The following CUL7 variants were observed in gnomAD, a reference collection of about 807,000 sequenced individuals.
CUL7 encodes the protein cullin 7, also known as cullin-7.
Under a neutral mutation model 177.7 loss-of-function variants are expected in CUL7, and 96 were observed. That is an observed-to-expected ratio of 0.54 (90% CI 0.46 to 0.64). CUL7 has a LOEUF of 0.64. CUL7 is among the 30% of genes least tolerant of loss of function. The probability of loss-of-function intolerance (pLI) is 0.00; values close to 1 mark genes in which losing one functional copy is unlikely to be tolerated. For missense variants in CUL7, 1,893 were observed against 2,187.9 expected (o/e 0.87, Z 2.69); for synonymous variants, 824 against 890.2 (o/e 0.93, Z 1.32).
In CUL7 at chr6:43,049,948, C is replaced by A; in HGVS notation, c.1569+15G>T. ...AGAGCCCTCCAACCTCTGAGTGTCT[C>A]CAGGCTGGCTCTACCTCCCCATCTA... On this transcript the variant is annotated intron_variant, in intron 6 of 25. Coordinates refer to ENST00000265348, the MANE Select transcript of CUL7 (RefSeq NM_014780.5). 1 of 1,611,740 alleles carries A rather than the reference C, an allele frequency of 6.2e-7. No homozygotes were observed. The highest frequency in any genetic ancestry group is 8.5e-7 in the Non-Finnish European group (1 of 1,178,220).
chr6:43,047,471 G>A (rs1185306656), intron 9 of CUL7, among the ~76,000 whole-genome samples: 7 of 152,186 alleles, frequency 4.6e-5, no homozygotes, highest in Admixed American at 2.0e-4. Flanking sequence ...ACACCTGGAT[G>A]GCTGGGAAGG....
chr6:43,040,831 A>T lies in CUL7; in HGVS notation c.3806+84T>A. ...CACTCCAAGGCTCCAGCCTGCCTCTATCCCAGACTTCCAGGCCCATGAGCT... is the reference window on the plus strand; with the variant it reads ...CACTCCAAGGCTCCAGCCTGCCTCTTTCCCAGACTTCCAGGCCCATGAGCT... On this transcript the variant is annotated intron_variant, in intron 20 of 25. Coordinates refer to ENST00000265348, the MANE Select transcript of CUL7 (RefSeq NM_014780.5). This position sits in a 1 kb window ranked among gnomAD's most constrained non-coding sequence, Gnocchi z 4.2. 6.2e-7 allele frequency: 1 copy of T among 1,602,470 alleles called. No individual in the cohort carries two copies. The highest frequency in any genetic ancestry group is 8.5e-7 in the Non-Finnish European group (1 of 1,170,678).
rs1169170911 is a variant in CUL7 at position 43,043,614 on chromosome 6, G to A, written c.3189C>T (p.Ser1063=). The change falls in exon 17 of 26, where the codon AGC becomes AGT. Residue 1063 remains serine (S), a synonymous_variant. Coordinates refer to ENST00000265348, the MANE Select transcript of CUL7 (RefSeq NM_014780.5). This position sits in a 1 kb window ranked among gnomAD's most constrained non-coding sequence, Gnocchi z 4.2. Reference sequence around the variant, plus strand: ...ACTGGTCCAGCAGCCAACCCAGGGGGCTAATGCCATCCTCATCTAGAGGGT... The same window carrying A: ...ACTGGTCCAGCAGCCAACCCAGGGGACTAATGCCATCCTCATCTAGAGGGT... ...NITSPDEDGI[S]PLGWLLDQYL... 6.2e-7 allele frequency: 1 copy of A among 1,608,140 alleles called. No homozygotes were observed. The highest frequency in any genetic ancestry group is 1.1e-5 in the South Asian group (1 of 90,292).
Position 43,048,367 on chromosome 6 carries a change from CG to C in CUL7, c.2027del (p.Pro676ArgfsTer9). The C allele has an allele frequency of 6.2e-7, 1 of 1,613,552 alleles. No homozygotes were observed. The highest frequency in any genetic ancestry group is 8.5e-7 in the Non-Finnish European group (1 of 1,179,466). The stretch of plus-strand genomic sequence containing the variant: ...TCAGGTGCAGGGTCCTGTTAGTCTC[CG>C]GAGTGTCCAGGCTCTGCATCAGTGC... ...FLALMQSLDT[P>X]ETNRTLHLTV... On this transcript the variant is annotated frameshift_variant, in exon 8 of 26. Transcript: ENST00000265348. LOFTEE classifies it high-confidence loss of function.
At chr6:43,039,684 T>C (rs528846090) in intron 22 of CUL7, among the ~76,000 whole-genome samples, 2 of 147,642 alleles carry the variant, frequency 1.4e-5, no homozygotes, top group Admixed American at 1.4e-4. Flanking sequence ...AGACTATCTC[T>C]CCCTGAATCT....
In CUL7 at chr6:43,051,199, C is replaced by T. The variant is rs561592507; in HGVS notation, c.1002G>A (p.Gln334=). The change falls in exon 4 of 26, where the codon CAG becomes CAA. Residue 334 remains glutamine, a synonymous_variant. Coordinates refer to ENST00000265348, the MANE Select transcript of CUL7 (RefSeq NM_014780.5). The surrounding 1 kb of genome is among the most constrained non-coding windows in gnomAD (Gnocchi z 5.0). ...GGAGCCCTGGGCTCACATCTGCCAG[C>T]TGAGGCTGGAAGATGGAACCGGGGG... ...ARSPGSIFQP[Q]LADVSPGLPA... 12 of 1,614,214 alleles carry T rather than the reference C, an allele frequency of 7.4e-6. No individual in the cohort carries two copies. The East Asian group carries it at 2.2e-4, about 30-fold the overall frequency.
rs58059598 is a variant in CUL7 at position 43,050,549 on chromosome 6, TACACACACACACACAC to T, written c.1234-167_1234-152del. Reference sequence around the variant, plus strand: ...TAACAAAACAGCAGCATATGGAGAATACACACACACACACACACACACACACACACACACACACACA... The same window carrying T: ...TAACAAAACAGCAGCATATGGAGAATACACACACACACACACACACACACA... On this transcript the variant is annotated intron_variant, in intron 4 of 25. Transcript: ENST00000265348. The surrounding 1 kb of genome is among the most constrained non-coding windows in gnomAD (Gnocchi z 4.1). 8,219 of 418,926 alleles carry T rather than the reference TACACACACACACACAC, an allele frequency of 0.02. 361 individuals carry two copies. Among genetic ancestry groups the T allele is most frequent in the African/African-American group, 0.13 (5,548 of 42,982 alleles). 26.0% of individuals were successfully genotyped at this position (418,926 alleles called of 1,614,324 possible).
In CUL7 at chr6:43,051,647, G is replaced by T; in HGVS notation, c.697C>A (p.His233Asn). 6.2e-7 allele frequency: 1 copy of T among 1,614,210 alleles called. No individual in the cohort carries two copies. Among genetic ancestry groups the T allele is most frequent in the Non-Finnish European group, 8.5e-7 (1 of 1,180,048 alleles). ...TGAATGCCCTCGAAAGACATGGGGT[G>T]TTCAGAGAGCGTGGCCTGTGCAAAC... ...ALFAQATLSEHPMSFEGIQLP... is the reference protein window; with the variant it reads ...ALFAQATLSENPMSFEGIQLP... Residue 233 changes from histidine (H) to asparagine (N), a missense_variant, in exon 3 of 26, where the codon CAC becomes AAC. Coordinates refer to ENST00000265348, the MANE Select transcript of CUL7 (RefSeq NM_014780.5). The surrounding 1 kb of genome is among the most constrained non-coding windows in gnomAD (Gnocchi z 5.0).
Position 43,047,058 on chromosome 6 carries a change from C to T in CUL7, c.2219G>A (p.Arg740Lys), listed in dbSNP as rs1007288683. 1.2e-6 allele frequency: 2 copies of T among 1,613,644 alleles called. No individual in the cohort carries two copies. Among genetic ancestry groups the T allele is most frequent in the East Asian group, 2.2e-5 (1 of 44,896 alleles). The change falls in exon 10 of 26, where the codon AGG becomes AAG. Residue 740 changes from arginine (R) to lysine (K), a missense_variant. Coordinates refer to ENST00000265348, the MANE Select transcript of CUL7 (RefSeq NM_014780.5). The stretch of plus-strand genomic sequence containing the variant: ...CTGATTCAGCACCACGGCATAGTCC[C>T]TGCTCACTGAGGTCAGGCGGTGCAG... ...FFLHRLTSVS[R>K]DYAVVLNQLG...
chr6:43,038,510 C>G, intron 24 of CUL7, 38 bp from the exon 25 acceptor site: 1 of 1,613,794 alleles, frequency 6.2e-7, no homozygotes, highest in South Asian at 1.1e-5. Flanking sequence ...GTGGAGAGCC[C>G]ACGAGGAGCC....
chr6:43,043,232 C>T lies in CUL7; in HGVS notation c.3356-52G>A, dbSNP rs1052209472. ...GCAAGGAGGGTGCAGCCCCTCCACT[C>T]CCAAGTCCCCATCCAAGGGGGTTCC... On this transcript the variant is annotated intron_variant, in intron 17 of 25. Coordinates refer to ENST00000265348, the MANE Select transcript of CUL7 (RefSeq NM_014780.5). The surrounding 1 kb of genome is among the most constrained non-coding windows in gnomAD (Gnocchi z 4.2). The T allele has an allele frequency of 4.1e-6, 6 of 1,463,810 alleles. No homozygotes were observed. Among genetic ancestry groups the T allele is most frequent in the Middle Eastern group, 1.9e-4 (1 of 5,280 alleles). 90.7% of individuals were successfully genotyped at this position (1,463,810 alleles called of 1,614,324 possible).
chr6:43,038,147 C>T, intron 25 of CUL7, 120 bp downstream of exon 25: 2 of 1,486,840 alleles, frequency 1.3e-6, no homozygotes, highest in Non-Finnish European at 1.8e-6. Context: ...TCACTCCTCA[C>T]ACTCCTACAG....
chr6:43,046,648 A>T, intron 10 of CUL7, 47 bp from the exon 11 acceptor site: 1 of 1,611,056 alleles, frequency 6.2e-7, no homozygotes, highest in African/African-American at 1.3e-5. Context: ...CAGAAGGAAC[A>T]CGGAGACACA....
rs539816368 is a variant in CUL7, at chr6:43,052,596, T to C, written c.193A>G (p.Ile65Val). Reference sequence around the variant, plus strand: ...TCATCCTTGGACATCCACAGCAGGATGTGCTCAGCCTTGCAGTCCACTTGG... The same window carrying C: ...TCATCCTTGGACATCCACAGCAGGACGTGCTCAGCCTTGCAGTCCACTTGG... ...SGQVDCKAEH[I>V]LLWMSKDEIY... The change falls in exon 2 of 26, where the codon ATC becomes GTC. Residue 65 changes from isoleucine to valine, a missense_variant. Physicochemically the swap from Ile to Val is conservative, Grantham distance 29 (BLOSUM62 3). This residue lies in a region of CUL7 where 653 missense variants were observed against 725.2 expected (regional missense o/e 0.90). Transcript: ENST00000265348. The surrounding 1 kb of genome is among the most constrained non-coding windows in gnomAD (Gnocchi z 4.5). 3 of 1,614,256 alleles carry C rather than the reference T, an allele frequency of 1.9e-6. No individual in the cohort carries two copies. The African/African-American group carries it at 4.0e-5, about 22-fold the overall frequency.
At position 43,045,028 on chromosome 6, in the gene CUL7, G is replaced by A. The variant is rs1055024771; in HGVS notation, c.3039-143C>T. 8 of 1,376,032 alleles carry A rather than the reference G, an allele frequency of 5.8e-6. No individual in the cohort carries two copies. The highest frequency in any genetic ancestry group is 8.0e-6 in the Non-Finnish European group (8 of 1,001,182). 85.2% of individuals were successfully genotyped at this position (1,376,032 alleles called of 1,614,324 possible). On this transcript the variant is annotated intron_variant, in intron 15 of 25. Transcript: ENST00000265348. The surrounding 1 kb of genome is among the most constrained non-coding windows in gnomAD (Gnocchi z 4.8). ...CTTCAGAACTGCTCTGTGCTAACTG[G>A]TATATCCCATTCCCAGCCCACTGGA...
chr6:43,052,178 G>A lies in CUL7; in HGVS notation c.580+31C>T, dbSNP rs1202588137. 3 of 1,613,126 alleles carry A rather than the reference G, an allele frequency of 1.9e-6. No individual in the cohort carries two copies. Among genetic ancestry groups the A allele is most frequent in the Non-Finnish European group, 2.5e-6 (3 of 1,179,640 alleles). On this transcript the variant is annotated intron_variant, in intron 2 of 25. Transcript: ENST00000265348. This position sits in a 1 kb window ranked among gnomAD's most constrained non-coding sequence, Gnocchi z 4.5. ...CCTGAGCCGACCCAGCCCTTCTCCT[G>A]CTTTCCCTTCCTCCCCACACTGCCC...
intron 6 of CUL7, 36 bp from the exon 7 acceptor site, chr6:43,049,698 C>T (rs548121749): frequency 2.1e-5 from 34 of 1,612,326 alleles, no homozygotes; most frequent in Admixed American, 1.0e-4. Context: ...GCAGACAGCC[C>T]TGCCGACCCA....
chr6:43,046,635 G>A (rs986028047), intron 10 of CUL7, 34 bp from the exon 11 acceptor site: 3 of 1,613,490 alleles, frequency 1.9e-6, no homozygotes, highest in African/African-American at 2.7e-5. Flanking sequence ...AGGGGCACAG[G>A]GGCAGAAGGA....
chr6:43,040,354 C>G lies in CUL7; in HGVS notation c.4096G>C (p.Asp1366His), dbSNP rs757536250. The part of the protein sequence containing the change: ...EEEAGAAAVV[D>H]VAEGEEEEEE... Reference sequence around the variant, plus strand: ...TCTTCCTCCTCTCCCTCCGCCACATCCACCACTGCTGCTGCCCCAGCTTCC... The same window carrying G: ...TCTTCCTCCTCTCCCTCCGCCACATGCACCACTGCTGCTGCCCCAGCTTCC... The change falls in exon 22 of 26, where the codon GAT becomes CAT. Residue 1366 changes from aspartate (D) to histidine (H), a missense_variant. By Grantham distance (81) the Asp-to-His change is moderately conservative (BLOSUM62 -1). This residue lies in a region of CUL7 where 973 missense variants were observed against 1,140.9 expected (regional missense o/e 0.85). Transcript: ENST00000265348. This position sits in a 1 kb window ranked among gnomAD's most constrained non-coding sequence, Gnocchi z 4.2. 1 of 1,613,762 alleles carries G rather than the reference C, an allele frequency of 6.2e-7. No homozygotes were observed. The highest frequency in any genetic ancestry group is 1.1e-5 in the South Asian group (1 of 91,080).
Sources: gnomAD v4.1 joint callset for allele counts (sites outside exome capture counted in the v4.1 genomes callset) on GRCh38, gnomAD v4.1.1 for gene constraint, gnomAD v4.1.1 regional missense constraint, Gnocchi (gnomAD v3.1) non-coding constraint, MANE v1.5 for transcripts, NCBI Gene and HGNC (gene_info 2026-07-23, HGNC 2026-07-21) for gene names.